NRXN3: variants seen among roughly 807,000 people sequenced by gnomAD.
NRXN3 encodes neurexin 3.
Under a neutral mutation model 137.6 loss-of-function variants are expected in NRXN3, and 32 were observed. The ratio of observed to expected loss-of-function variants is 0.23; its 90% confidence interval spans 0.18 to 0.31. The LOEUF is 0.31. Ranked by LOEUF, NRXN3 falls within the 10% of genes least tolerant of loss-of-function variation. The pLI, the probability that NRXN3 is intolerant of heterozygous loss-of-function variation, is 1.00. For missense variants in NRXN3, 1,574 were observed against 2,062.5 expected (o/e 0.76, Z 4.59); for synonymous variants, 798 against 784.5 (o/e 1.02, Z -0.29).
intron 16 of NRXN3, among the ~76,000 whole-genome samples, chr14:79,577,121 C>G (rs1363793439): frequency 1.3e-5 from 2 of 152,170 alleles, no homozygotes; most frequent in South Asian, 2.1e-4. Flanking sequence ...CACGAGCTAT[C>G]TTGCCTGCTG....
At chr14:78,392,904 A>G (rs1029626730) in intron 4 of NRXN3, among the ~76,000 whole-genome samples, 2 of 152,158 alleles carry the variant, frequency 1.3e-5, no homozygotes, top group Admixed American at 1.3e-4. Flanking sequence ...TACTCATCAC[A>G]TAGGATAATA....
At chr14:78,604,713 C>G (rs1415566310) in intron 4 of NRXN3, among the ~76,000 whole-genome samples, 2 of 152,072 alleles carry the variant, frequency 1.3e-5, no homozygotes, top group East Asian at 3.9e-4. Context: ...GGCAAAGAGG[C>G]CCAACCACTC....
rs542729827 is a variant in NRXN3 at position 79,793,544 on chromosome 14, T to C, written c.4015-11568T>C. On this transcript the variant is annotated intron_variant, in intron 19 of 20. Coordinates refer to ENST00000335750, the MANE Select transcript of NRXN3 (RefSeq NM_001330195.2). ...AGTTTCTGAAACCATGTCACACTCC[T>C]TTGGCCTGTTCAAAATCATTTTTCA... Among the ~76,000 whole-genome samples the C allele has an allele frequency of 3.9e-5, 6 of 152,366 alleles. No individual in the cohort carries two copies. The South Asian group carries it at 1.2e-3, about 32-fold the overall frequency.
chr14:79,296,232 G>T (rs1342333690), intron 15 of NRXN3, among the ~76,000 whole-genome samples: 1 of 152,096 alleles, frequency 6.6e-6, no homozygotes, highest in African/African-American at 2.4e-5. Context: ...AATAGAGTGA[G>T]TGGGCTGAAA....
intron 16 of NRXN3, among the ~76,000 whole-genome samples, chr14:79,602,199 C>A (rs1602777280): frequency 6.6e-6 from 1 of 152,236 alleles, no homozygotes; most frequent in East Asian, 1.9e-4. Context: ...GGATTAATAG[C>A]CCAGTTCTAG....
intron 20 of NRXN3, among the ~76,000 whole-genome samples, chr14:79,837,879 C>A (rs777076677): frequency 6.6e-6 from 1 of 152,064 alleles, no homozygotes; most frequent in Non-Finnish European, 1.5e-5. Flanking sequence ...CAATTTGTAC[C>A]CGTTAGCCAG....
chr14:78,314,964 T>TTCCC (rs139135818), intron 4 of NRXN3, among the ~76,000 whole-genome samples: 5,481 of 90,112 alleles, frequency 0.061, 150 homozygotes, highest in Middle Eastern at 0.089. Flanking sequence ...CCTTCCTTCC[T>TTCCC]TCCTTCCTTC....
intron 16 of NRXN3, among the ~76,000 whole-genome samples, chr14:79,541,708 C>T (rs1460622372): frequency 6.6e-6 from 1 of 152,178 alleles, no homozygotes; most frequent in East Asian, 1.9e-4. Context: ...TGACATCTAT[C>T]TCTGGAAAAT....
chr14:79,309,174 A>G (rs1363103745), intron 15 of NRXN3, among the ~76,000 whole-genome samples: 4 of 58,386 alleles, frequency 6.9e-5, no homozygotes, highest in Non-Finnish European at 9.4e-5. Context: ...GAGTGAGAAT[A>G]TGCGGTGTTT....
At chr14:78,359,746 G>A (rs2084846915) in intron 4 of NRXN3, among the ~76,000 whole-genome samples, 1 of 152,126 alleles carries the variant, frequency 6.6e-6, no homozygotes, top group African/African-American at 2.4e-5. Context: ...ACCTTGCTCT[G>A]AAGTACTGGT....
intron 4 of NRXN3, among the ~76,000 whole-genome samples, chr14:78,592,356 ATGGAGTG>A (rs1185871128): frequency 6.6e-6 from 1 of 152,104 alleles, no homozygotes; most frequent in Non-Finnish European, 1.5e-5. Context: ...AATGCTGGGC[ATGGAGTG>A]TGATTCAAGA....
At chr14:78,447,078 G>A (rs1188857833) in intron 4 of NRXN3, among the ~76,000 whole-genome samples, 1 of 152,224 alleles carries the variant, frequency 6.6e-6, no homozygotes, top group Admixed American at 6.5e-5. Context: ...CCTGCGAGAT[G>A]AGACTGCTGT....
chr14:79,308,687 T>C (rs1198083897), intron 15 of NRXN3, among the ~76,000 whole-genome samples: 1 of 151,982 alleles, frequency 6.6e-6, no homozygotes, highest in African/African-American at 2.4e-5. Flanking sequence ...GAGAACCAGA[T>C]GGAAGCTAGA....
intron 16 of NRXN3, among the ~76,000 whole-genome samples, chr14:79,503,149 T>C (rs1336282194): frequency 6.6e-6 from 1 of 152,206 alleles, no homozygotes; most frequent in Non-Finnish European, 1.5e-5. Flanking sequence ...CTATCTCTGA[T>C]TTTTCCCTCT....
At chr14:79,130,620 A>T (rs1015475276) in intron 15 of NRXN3, among the ~76,000 whole-genome samples, 29 of 151,818 alleles carry the variant, frequency 1.9e-4, no homozygotes, top group Admixed American at 2.6e-4. Context: ...CATTTTTTCC[A>T]TCATTTCAAC....
intron 16 of NRXN3, among the ~76,000 whole-genome samples, chr14:79,474,339 G>A (rs2096540685): frequency 6.6e-6 from 1 of 152,152 alleles, no homozygotes; most frequent in Admixed American, 6.5e-5. Flanking sequence ...TAAAATGGGT[G>A]CTGTAGAGGT....
At chr14:78,278,076 G>A (rs947604728) in intron 2 of NRXN3, among the ~76,000 whole-genome samples, 4 of 152,146 alleles carry the variant, frequency 2.6e-5, no homozygotes, top group South Asian at 2.1e-4. Context: ...CTGGGGAGGC[G>A]GGGAATTGTA....
chr14:79,683,715 A>G (rs1194435290), intron 17 of NRXN3, among the ~76,000 whole-genome samples: 1 of 152,110 alleles, frequency 6.6e-6, no homozygotes, highest in African/African-American at 2.4e-5. Flanking sequence ...GACCTGGGAG[A>G]TCTGATTACC....
chr14:79,765,630 G>T (rs1279833753), intron 19 of NRXN3, among the ~76,000 whole-genome samples: 1 of 152,134 alleles, frequency 6.6e-6, no homozygotes, highest in Non-Finnish European at 1.5e-5. Flanking sequence ...TCATCACCCT[G>T]TCTCTCATTC....
Sources: gnomAD v4.1 joint callset for allele counts (sites outside exome capture counted in the v4.1 genomes callset) on GRCh38, gnomAD v4.1.1 for gene constraint, MANE v1.5 for transcripts, NCBI Gene and HGNC (gene_info 2026-07-23, HGNC 2026-07-21) for gene names.